ADARB2: variants seen among roughly 807,000 people sequenced by gnomAD.
ADARB2 encodes the protein inactive double-stranded RNA-specific editase B2.
ADARB2 carries 25 observed loss-of-function variants against 62.2 expected under a neutral mutation model. That is an observed-to-expected ratio of 0.40 (90% CI 0.29 to 0.56). The LOEUF (loss-of-function observed/expected upper bound fraction) is 0.56, where lower values mean the gene tolerates loss of function less well. ADARB2 is among the 20% of genes least tolerant of loss of function. The pLI, the probability that ADARB2 is intolerant of heterozygous loss-of-function variation, is 0.43. For synonymous variants in ADARB2, 572 were observed against 500.8 expected (o/e 1.14, Z -1.90); for missense variants, 1,071 against 1,077.4 (o/e 0.99, Z 0.08).
chr10:1,335,626 G>A (rs1212820680), intron 3 of ADARB2, among the ~76,000 whole-genome samples: 2 of 152,148 alleles, frequency 1.3e-5, no homozygotes, highest in African/African-American at 4.8e-5. Flanking sequence ...GCAAGCCACT[G>A]GTTGGGCTAT....
At chr10:1,195,998 C>A (rs1836905745) in intron 8 of ADARB2, among the ~76,000 whole-genome samples, 1 of 152,144 alleles carries the variant, frequency 6.6e-6, no homozygotes, top group Admixed American at 6.5e-5. Context: ...AGGAAGCCCG[C>A]TGCAGCCTTT....
chr10:1,454,638 G>C (rs1831075586), intron 1 of ADARB2, among the ~76,000 whole-genome samples: 2 of 152,146 alleles, frequency 1.3e-5, no homozygotes. Flanking sequence ...CACACCCACA[G>C]AGACAGGAAG....
intron 1 of ADARB2, among the ~76,000 whole-genome samples, chr10:1,728,352 C>T (rs754897612): frequency 4.6e-5 from 7 of 152,188 alleles, no homozygotes; most frequent in Non-Finnish European, 8.8e-5. Flanking sequence ...AGAATTTGTG[C>T]TCTCAGAGGT....
At chr10:1,389,859 C>T (rs1436612423) in intron 1 of ADARB2, among the ~76,000 whole-genome samples, 2 of 151,976 alleles carry the variant, frequency 1.3e-5, no homozygotes, top group Non-Finnish European at 2.9e-5. Context: ...AGAGCTCATC[C>T]CCTGGTATAG....
At chr10:1,408,957 A>G (rs1303153325) in intron 1 of ADARB2, among the ~76,000 whole-genome samples, 1 of 152,166 alleles carries the variant, frequency 6.6e-6, no homozygotes, top group Non-Finnish European at 1.5e-5. Context: ...GTTGTGTTCC[A>G]GAGCTGCTGG....
chr10:1,199,647 G>A (rs1295664034), intron 8 of ADARB2: 3 of 284,792 alleles, frequency 1.1e-5, no homozygotes, highest in African/African-American at 2.2e-5. Flanking sequence ...GCAGGTGGGC[G>A]GCCAGGTGGG....
At chr10:1,397,807 C>T (rs12779699) in intron 1 of ADARB2, among the ~76,000 whole-genome samples, 22 of 72,012 alleles carry the variant, frequency 3.1e-4, no homozygotes, top group East Asian at 4.6e-4. Flanking sequence ...GTCCGTCTCT[C>T]CCCTCCCGAG....
chr10:1,209,258 GACACCC>G (rs1198175027), intron 7 of ADARB2, among the ~76,000 whole-genome samples: 2 of 146,868 alleles, frequency 1.4e-5, no homozygotes, highest in Non-Finnish European at 3.0e-5. Flanking sequence ...CACTATCACT[GACACCC>G]ACACCCATGC....
chr10:1,184,274 T>C lies in ADARB2; in HGVS notation c.2043+587A>G, dbSNP rs576428617. ...TTTTATGTGTTGGCTGGTTTTTCTG[T>C]TATTTGTTGTTTTTGGTTACAGTCT... On this transcript the variant is annotated intron_variant, in intron 9 of 9. Coordinates refer to ENST00000381312, the MANE Select transcript of ADARB2 (RefSeq NM_018702.4). 2.2e-4 allele frequency among the ~76,000 whole-genome samples: 33 copies of C among 152,272 alleles called. 1 individual carries two copies. In the East Asian group the frequency reaches 3.5e-3, roughly 16 times the overall value.
At chr10:1,396,217 T>C (rs575333605) in intron 1 of ADARB2, among the ~76,000 whole-genome samples, 1 of 152,230 alleles carries the variant, frequency 6.6e-6, no homozygotes, top group East Asian at 1.9e-4. Context: ...TTTTATTATT[T>C]TGAGCCTCCC....
chr10:1,607,287 C>T (rs556707511), intron 1 of ADARB2, among the ~76,000 whole-genome samples: 2 of 152,196 alleles, frequency 1.3e-5, no homozygotes, highest in East Asian at 3.9e-4. Flanking sequence ...TCACCACGTC[C>T]ATCAGAGGCT....
intron 1 of ADARB2, among the ~76,000 whole-genome samples, chr10:1,691,929 G>T (rs1332724910): frequency 6.6e-6 from 1 of 151,980 alleles, no homozygotes; most frequent in Non-Finnish European, 1.5e-5. Context: ...GTGCACGCAT[G>T]CATGTATCTA....
At chr10:1,270,722 G>A (rs1446653908) in intron 4 of ADARB2, among the ~76,000 whole-genome samples, 3 of 152,202 alleles carry the variant, frequency 2.0e-5, no homozygotes, top group Non-Finnish European at 4.4e-5. Flanking sequence ...CCAGAGACGG[G>A]GGATGCCCAA....
In ADARB2 at chr10:1,230,179, C is replaced by T. The variant is rs912354702; in HGVS notation, c.1513+3515G>A. On this transcript the variant is annotated intron_variant, in intron 6 of 9. Transcript: ENST00000381312. ...GACTGAGCTCTCTGCACTCTGCGGC[C>T]TCTGCATTTGTGAGAATAACATCAT... Among the ~76,000 whole-genome samples the T allele has an allele frequency of 7.2e-5, 11 of 152,326 alleles. 1 individual carries two copies. Among genetic ancestry groups the T allele is most frequent in the Middle Eastern group, 3.4e-3 (1 of 294 alleles).
At chr10:1,378,342 G>A (rs1313448162) in intron 2 of ADARB2, among the ~76,000 whole-genome samples, 2 of 152,110 alleles carry the variant, frequency 1.3e-5, no homozygotes, top group East Asian at 3.9e-4. Flanking sequence ...CCCTTTCCTT[G>A]TTAAATACTT....
At chr10:1,518,974 T>C (rs531424090) in intron 1 of ADARB2, among the ~76,000 whole-genome samples, 2 of 151,830 alleles carry the variant, frequency 1.3e-5, no homozygotes, top group Admixed American at 6.5e-5. Context: ...AACGTCTGCA[T>C]GTGGTGTGGT....
chr10:1,732,255 G>A (rs1053483395), intron 1 of ADARB2, among the ~76,000 whole-genome samples: 9 of 148,330 alleles, frequency 6.1e-5, no homozygotes, highest in Admixed American at 4.0e-4. Context: ...CTATACAGAT[G>A]TATAGTTTTA....
At chr10:1,715,996 G>C (rs370167526) in intron 1 of ADARB2, among the ~76,000 whole-genome samples, 48 of 152,324 alleles carry the variant, frequency 3.2e-4, no homozygotes, top group Middle Eastern at 3.4e-3. Context: ...CCCAGCTGCT[G>C]TATGCACACT....
intron 1 of ADARB2, among the ~76,000 whole-genome samples, chr10:1,674,919 G>T (rs1321498641): frequency 1.3e-5 from 2 of 152,132 alleles, no homozygotes; most frequent in African/African-American, 4.8e-5. Context: ...TGGGTTCAGG[G>T]ATGCATGGAT....
Sources: gnomAD v4.1 joint callset for allele counts (sites outside exome capture counted in the v4.1 genomes callset) on GRCh38, gnomAD v4.1.1 for gene constraint, MANE v1.5 for transcripts, NCBI Gene and HGNC (gene_info 2026-07-23, HGNC 2026-07-21) for gene names.